The following RETREG1 variants were observed in gnomAD, a reference collection of about 807,000 sequenced individuals.
RETREG1 encodes family with sequence similarity 134 member B.
In RETREG1, 44 loss-of-function variants were observed where a neutral mutation model predicts 54.8. The ratio of observed to expected loss-of-function variants is 0.80; its 90% confidence interval spans 0.63 to 1.03. RETREG1 has a LOEUF of 1.03. RETREG1 is among the 50% of genes least tolerant of loss of function. The probability of loss-of-function intolerance (pLI) is 0.00; values close to 1 mark genes in which losing one functional copy is unlikely to be tolerated. For missense variants in RETREG1, 554 were observed against 605.1 expected, an observed-to-expected ratio of 0.92 and a Z score of 0.89; for synonymous variants, 217 against 238.5, an observed-to-expected ratio of 0.91 and a Z score of 0.83.
At chr5:16,506,476 T>TG (rs1491117979) in intron 3 of RETREG1, among the ~76,000 whole-genome samples, 8 of 105,304 alleles carry the variant, frequency 7.6e-5, no homozygotes, top group Admixed American at 3.9e-4. Flanking sequence ...TTTGTTTTTT[T>TG]GTTTTTTTTT....
intron 1 of RETREG1, among the ~76,000 whole-genome samples, chr5:16,602,259 G>T (rs1361904756): frequency 6.6e-6 from 1 of 152,084 alleles, no homozygotes; most frequent in Non-Finnish European, 1.5e-5. Flanking sequence ...CCCCATTCAG[G>T]ATGTTGACTT....
chr5:16,480,737 G>A (rs752085035), intron 5 of RETREG1, among the ~76,000 whole-genome samples: 1 of 152,030 alleles, frequency 6.6e-6, no homozygotes, highest in Non-Finnish European at 1.5e-5. Context: ...TTTTTGGGAG[G>A]TGGGGCATAC....
intron 3 of RETREG1, among the ~76,000 whole-genome samples, chr5:16,532,208 T>C (rs1049313343): frequency 6.6e-6 from 1 of 152,182 alleles, no homozygotes. Flanking sequence ...AGAAGTCTCA[T>C]TGTAACTCAG....
At chr5:16,528,629 G>A (rs775072050) in intron 3 of RETREG1, among the ~76,000 whole-genome samples, 1 of 152,186 alleles carries the variant, frequency 6.6e-6, no homozygotes, top group Non-Finnish European at 1.5e-5. Context: ...TTTCCCAGCA[G>A]GTGGGATATG....
intron 1 of RETREG1, among the ~76,000 whole-genome samples, chr5:16,611,033 T>G (rs1288901986): frequency 6.6e-6 from 1 of 152,102 alleles, no homozygotes; most frequent in Admixed American, 6.5e-5. Context: ...TAGACTGGAT[T>G]AAGAAAATGT....
chr5:16,549,356 TC>T (rs1239606124), intron 3 of RETREG1, among the ~76,000 whole-genome samples: 6 of 151,856 alleles, frequency 4.0e-5, no homozygotes, highest in Non-Finnish European at 5.9e-5. Flanking sequence ...TGGGATCACT[TC>T]CCCCCCTATT....
At chr5:16,543,387 T>C (rs1469333272) in intron 3 of RETREG1, among the ~76,000 whole-genome samples, 1 of 152,110 alleles carries the variant, frequency 6.6e-6, no homozygotes, top group Non-Finnish European at 1.5e-5. Flanking sequence ...AAAAAACTGC[T>C]AAACTGGGCC....
intron 3 of RETREG1, among the ~76,000 whole-genome samples, chr5:16,495,247 T>C (rs1251912098): frequency 6.6e-6 from 1 of 152,194 alleles, no homozygotes; most frequent in Non-Finnish European, 1.5e-5. Context: ...CATAAAAGTT[T>C]GAAAAATTTG....
At position 16,561,700 on chromosome 5, in the gene RETREG1, G is replaced by A. The variant is rs1741861113; in HGVS notation, c.458+4063C>T. Among the ~76,000 whole-genome samples, 1 of 152,068 alleles carries A rather than the reference G, an allele frequency of 6.6e-6. No homozygotes were observed. Among genetic ancestry groups the A allele is most frequent in the African/African-American group, 2.4e-5 (1 of 41,412 alleles). ...TTAGCAAAGTATGTCCTTCGGTTCT[G>A]CTGTGCTAATATTTTTTCCAAATCA... On this transcript the variant is annotated intron_variant, in intron 3 of 8. Coordinates refer to ENST00000306320, the MANE Select transcript of RETREG1 (RefSeq NM_001034850.3). This position sits in a 1 kb window ranked among gnomAD's most constrained non-coding sequence, Gnocchi z 4.2.
Position 16,605,900 on chromosome 5 carries a change from T to C in RETREG1, c.320+10752A>G, listed in dbSNP as rs139503736. 9.2e-5 allele frequency among the ~76,000 whole-genome samples: 14 copies of C among 152,298 alleles called. No homozygotes were observed. The East Asian group carries it at 2.7e-3, about 29-fold the overall frequency. ...AATAGCCTCCTAAAGGCTCCACCTC[T>C]TAAAACTAATGCACTGGGGAGAAGG... On this transcript the variant is annotated intron_variant, in intron 1 of 8. Coordinates refer to ENST00000306320, the MANE Select transcript of RETREG1 (RefSeq NM_001034850.3).
chr5:16,493,182 T>G, intron 3 of RETREG1, among the ~76,000 whole-genome samples: 1 of 152,230 alleles, frequency 6.6e-6, no homozygotes, highest in East Asian at 1.9e-4. Context: ...TGAGCACTGC[T>G]ACTTCTCCAG....
intron 3 of RETREG1, among the ~76,000 whole-genome samples, chr5:16,525,404 G>C (rs755566332): frequency 6.6e-6 from 1 of 152,164 alleles, no homozygotes; most frequent in Non-Finnish European, 1.5e-5. Flanking sequence ...CGCCACGAAA[G>C]TGCAGCTGAC....
At chr5:16,483,917 G>C (rs1738914267) in intron 3 of RETREG1, among the ~76,000 whole-genome samples, 1 of 152,038 alleles carries the variant, frequency 6.6e-6, no homozygotes, top group Non-Finnish European at 1.5e-5. Context: ...AAGCTGGAGG[G>C]GTAGGAGGAG....
chr5:16,551,285 C>T lies in RETREG1; in HGVS notation c.458+14478G>A, dbSNP rs542429941. Among the ~76,000 whole-genome samples, 9 of 140,318 alleles carry T rather than the reference C, an allele frequency of 6.4e-5. 1 individual carries two copies. In the South Asian group the frequency reaches 2.0e-3, roughly 31 times the overall value. The allele number at this position is 140,318 out of a possible 152,430, so 92.1% of individuals were successfully genotyped here. On this transcript the variant is annotated intron_variant, in intron 3 of 8. Coordinates refer to ENST00000306320, the MANE Select transcript of RETREG1 (RefSeq NM_001034850.3). ...TCCTAAAAAGCTCCTTCCCCTCCTC[C>T]TCCACACATATAAACAAAAAAACAT...
intron 3 of RETREG1, among the ~76,000 whole-genome samples, chr5:16,526,101 A>G (rs945379566): frequency 6.6e-6 from 1 of 152,244 alleles, no homozygotes; most frequent in African/African-American, 2.4e-5. Context: ...ACGAGGCACC[A>G]TTGCCTGGGC....
rs558795967 is a variant in RETREG1 at position 16,499,559 on chromosome 5, A to C, written c.459-16087T>G. 5.9e-5 allele frequency among the ~76,000 whole-genome samples: 9 copies of C among 152,350 alleles called. No individual in the cohort carries two copies. The South Asian group carries it at 1.2e-3, about 21-fold the overall frequency. The stretch of plus-strand genomic sequence containing the variant: ...TTTCAAAATGAAGCACTTGCTTACA[A>C]TTCAACCAAACTATCACCAGGCGAT... On this transcript the variant is annotated intron_variant, in intron 3 of 8. Coordinates refer to ENST00000306320, the MANE Select transcript of RETREG1 (RefSeq NM_001034850.3).
At chr5:16,596,853 T>C (rs1266003243) in intron 1 of RETREG1, among the ~76,000 whole-genome samples, 8 of 152,158 alleles carry the variant, frequency 5.3e-5, no homozygotes, top group African/African-American at 1.9e-4. Flanking sequence ...AAAAATCTTA[T>C]GCAGCTTCTA....
chr5:16,569,283 C>CT lies in RETREG1; in HGVS notation c.427+2712dup, dbSNP rs1304709996. Among the ~76,000 whole-genome samples the CT allele has an allele frequency of 4.3e-3, 499 of 115,696 alleles. 1 individual carries two copies. The highest frequency in any genetic ancestry group is 0.019 in the Middle Eastern group (4 of 208). 75.9% of individuals were successfully genotyped at this position (115,696 alleles called of 152,430 possible). ...GAAGACAGAGTAATCATTCCCATTT[C>CT]TTTCTTTTTTTTTTTTTTTTTTTTA... On this transcript the variant is annotated intron_variant, in intron 2 of 8. Transcript: ENST00000306320.
At chr5:16,491,079 C>G (rs1739223460) in intron 3 of RETREG1, among the ~76,000 whole-genome samples, 1 of 152,194 alleles carries the variant, frequency 6.6e-6, no homozygotes, top group Non-Finnish European at 1.5e-5. Context: ...ACCATGGCAA[C>G]TATCTGCTAA....
Sources: gnomAD v4.1 joint callset for allele counts (sites outside exome capture counted in the v4.1 genomes callset) on GRCh38, gnomAD v4.1.1 for gene constraint, Gnocchi (gnomAD v3.1) non-coding constraint, MANE v1.5 for transcripts, NCBI Gene and HGNC (gene_info 2026-07-23, HGNC 2026-07-21) for gene names.